C11orf16: variants seen among roughly 807,000 people sequenced by gnomAD.
The protein encoded by C11orf16 is uncharacterized protein C11orf16.
Under a neutral mutation model 45.1 loss-of-function variants are expected in C11orf16, and 38 were observed. That is an observed-to-expected ratio of 0.84 (90% CI 0.65 to 1.10). C11orf16 has a LOEUF of 1.10. Among genes scored for constraint, C11orf16 ranks in the 50% least tolerant of loss-of-function variants. The pLI, the probability that C11orf16 is intolerant of heterozygous loss-of-function variation, is 0.00. For synonymous variants in C11orf16, 221 were observed against 222.0 expected (o/e 1.00, Z 0.04); for missense variants, 583 against 569.5 (o/e 1.02, Z -0.24).
rs756038720 is a variant in C11orf16 at position 8,927,142 on chromosome 11, G to C, written c.357C>G (p.Phe119Leu). ...LERQGVLLVE[F>L]EAPLVAGPKL... ...TTGGGCCTGCGACAAGAGGAGCCTC[G>C]AATTCCACAAGCAGGACCCCCTGTC... The change falls in exon 4 of 7, where the codon TTC becomes TTG. Residue 119 changes from phenylalanine to leucine, a missense_variant. Physicochemically the swap from Phe to Leu is conservative, Grantham distance 22. Coordinates refer to ENST00000326053, the MANE Select transcript of C11orf16 (RefSeq NM_020643.3). 5 of 1,613,972 alleles carry C rather than the reference G, an allele frequency of 3.1e-6. No individual in the cohort carries two copies. The highest frequency in any genetic ancestry group is 4.2e-6 in the Non-Finnish European group (5 of 1,179,980).
chr11:8,926,842 A>C, intron 4 of C11orf16, 98 bp downstream of exon 4: 1 of 921,292 alleles, frequency 1.1e-6, no homozygotes, highest in Non-Finnish European at 1.6e-6. Flanking sequence ...AATGCCTTAG[A>C]AACCCCTAAG....
At position 8,929,440 on chromosome 11, in the gene C11orf16, C is replaced by G; in HGVS notation, c.261G>C (p.Trp87Cys). 1 of 1,614,178 alleles carries G rather than the reference C, an allele frequency of 6.2e-7. No individual in the cohort carries two copies. Among genetic ancestry groups the G allele is most frequent in the Non-Finnish European group, 8.5e-7 (1 of 1,180,026 alleles). Residue 87 changes from tryptophan to cysteine, a missense_variant, in exon 3 of 7, where the codon TGG becomes TGC. Trp to Cys is a radical substitution (Grantham distance 215, BLOSUM62 -2). Coordinates refer to ENST00000326053, the MANE Select transcript of C11orf16 (RefSeq NM_020643.3). ...CATCTGCTTCCCTTCTTGCTAGGAC[C>G]CATGTGTTGGCAGCATCTCCAGCTC... ...LGRAGDAANT[W>C]VLARREADGF...
At chr11:8,921,215 C>T in intron 6 of C11orf16, 79 bp downstream of exon 6, 1 of 1,105,408 alleles carries the variant, frequency 9.0e-7, no homozygotes, top group Non-Finnish European at 1.3e-6. Flanking sequence ...TTACTGTTCT[C>T]AAAGGGGATG....
At chr11:8,922,992 C>G (rs1255698079) in intron 5 of C11orf16, among the ~76,000 whole-genome samples, 1 of 152,230 alleles carries the variant, frequency 6.6e-6, no homozygotes, top group Non-Finnish European at 1.5e-5. Context: ...GCCCCAGGAA[C>G]TTTCCCTAGA....
chr11:8,925,349 C>T, intron 5 of C11orf16, 114 bp downstream of exon 5: 1 of 947,882 alleles, frequency 1.1e-6, no homozygotes, highest in East Asian at 2.4e-5. Flanking sequence ...CCAAGGATTA[C>T]TGCAGTCCCA....
At position 8,925,884 on chromosome 11, in the gene C11orf16, A is replaced by T. The variant is rs1223730208; in HGVS notation, c.783T>A (p.Ala261=). ...GRITNELPPD[A]PFLCPLCHHH... is the part of the protein sequence containing the mutation. Reference sequence around the variant, plus strand: ...GGTGGCAGAGAGGGCACAGGAATGGAGCATCCGGAGGAAGCTCATTAGTGA... The same window carrying T: ...GGTGGCAGAGAGGGCACAGGAATGGTGCATCCGGAGGAAGCTCATTAGTGA... The change falls in exon 5 of 7, where the codon GCT becomes GCA. Residue 261 remains alanine (A), a synonymous_variant. Coordinates refer to ENST00000326053, the MANE Select transcript of C11orf16 (RefSeq NM_020643.3). The T allele has an allele frequency of 3.7e-6, 6 of 1,614,218 alleles. No homozygotes were observed. Among genetic ancestry groups the T allele is most frequent in the Non-Finnish European group, 5.1e-6 (6 of 1,180,042 alleles).
intron 3 of C11orf16, chr11:8,927,786 A>C: frequency 3.0e-6 from 1 of 330,966 alleles, no homozygotes; most frequent in South Asian, 2.4e-5. Flanking sequence ...GTACTCTGTG[A>C]TTTAGAAGAG....
chr11:8,923,162 G>A (rs538090955), intron 5 of C11orf16, among the ~76,000 whole-genome samples: 9 of 152,272 alleles, frequency 5.9e-5, no homozygotes, highest in African/African-American at 2.2e-4. Flanking sequence ...GACTGTAGGT[G>A]TAAGTGGCTT....
intron 5 of C11orf16, among the ~76,000 whole-genome samples, chr11:8,924,700 CA>C (rs2064597697): frequency 1.3e-5 from 2 of 152,198 alleles, no homozygotes; most frequent in Admixed American, 1.3e-4. Flanking sequence ...CTTCACCTCA[CA>C]GCCTCCCTGC....
In C11orf16 at chr11:8,925,487, G is replaced by A. The variant is rs775413592; in HGVS notation, c.1180C>T (p.Pro394Ser). ...CCTGGCTTCCCAAGGCATGGCTCAG[G>A]CCCGTTTCTCTTCCAATACCTCCAC... is the stretch of plus-strand genomic sequence containing the variant. ...PEWRYWKRNG[P>S]EPCLGKPGTR... The change falls in exon 5 of 7, where the codon CCT becomes TCT. Residue 394 changes from proline to serine, a missense_variant. Pro to Ser is a moderately conservative substitution (Grantham distance 74). Transcript: ENST00000326053. 3.7e-6 allele frequency: 6 copies of A among 1,613,996 alleles called. No individual in the cohort carries two copies. The highest frequency in any genetic ancestry group is 5.1e-6 in the Non-Finnish European group (6 of 1,179,966).
In C11orf16 at chr11:8,924,629, A is replaced by AC. The variant is rs375170764; in HGVS notation, c.1204+833dup. On this transcript the variant is annotated intron_variant, in intron 5 of 6. Coordinates refer to ENST00000326053, the MANE Select transcript of C11orf16 (RefSeq NM_020643.3). Reference sequence around the variant, plus strand: ...AATAGGGCTATGGTTTCAACCAGGGACCCCCAGTGGGTCCCAGTGTGGGCA... The same window carrying AC: ...AATAGGGCTATGGTTTCAACCAGGGACCCCCCAGTGGGTCCCAGTGTGGGCA... Among the ~76,000 whole-genome samples, 19 of 152,116 alleles carry AC rather than the reference A, an allele frequency of 1.2e-4. No homozygotes were observed. The East Asian group carries it at 3.7e-3, about 29-fold the overall frequency.
chr11:8,931,241 T>C (rs1293241506), intron 2 of C11orf16, among the ~76,000 whole-genome samples: 1 of 152,082 alleles, frequency 6.6e-6, no homozygotes, highest in Admixed American at 6.5e-5. Context: ...GTTTTGTTTT[T>C]GAGACAGAGT....
chr11:8,929,659 T>C (rs1326803199), intron 2 of C11orf16, 126 bp from the exon 3 acceptor site: 4 of 936,792 alleles, frequency 4.3e-6, no homozygotes, highest in Non-Finnish European at 6.2e-6. Context: ...GAAATCCATA[T>C]GGAAAGTGGC....
chr11:8,927,931 C>T (rs114835390), intron 3 of C11orf16, among the ~76,000 whole-genome samples: 4,618 of 152,090 alleles, frequency 0.03, 240 homozygotes, highest in African/African-American at 0.11. Context: ...TTTTTCCAGA[C>T]GGAGTTTCGC....
Position 8,925,890 on chromosome 11 carries a change from C to T in C11orf16, c.777G>A (p.Pro259=), listed in dbSNP as rs779180873. 5.3e-5 allele frequency: 85 copies of T among 1,614,058 alleles called. No individual in the cohort carries two copies. The highest frequency in any genetic ancestry group is 2.5e-4 in the East Asian group (11 of 44,872). ...ITGRITNELP[P]DAPFLCPLCH... ...AGAGAGGGCACAGGAATGGAGCATCCGGAGGAAGCTCATTAGTGATGCGCC... is the reference window on the plus strand; with the variant it reads ...AGAGAGGGCACAGGAATGGAGCATCTGGAGGAAGCTCATTAGTGATGCGCC... Residue 259 remains proline (P), a synonymous_variant, in exon 5 of 7, where the codon CCG becomes CCA. Coordinates refer to ENST00000326053, the MANE Select transcript of C11orf16 (RefSeq NM_020643.3).
At position 8,926,394 on chromosome 11, in the gene C11orf16, G is replaced by A. The variant is rs149135120; in HGVS notation, c.560-287C>T. Reference sequence around the variant, plus strand: ...TCAGCCTGGCCCCGCTGCTCTGGCTGCGTGGCTCCTCACATGCACCTCTCC... The same window carrying A: ...TCAGCCTGGCCCCGCTGCTCTGGCTACGTGGCTCCTCACATGCACCTCTCC... On this transcript the variant is annotated intron_variant, in intron 4 of 6. Coordinates refer to ENST00000326053, the MANE Select transcript of C11orf16 (RefSeq NM_020643.3). Among the ~76,000 whole-genome samples, 355 of 152,034 alleles carry A rather than the reference G, an allele frequency of 2.3e-3. 7 individuals are homozygous for A. Among genetic ancestry groups the A allele is most frequent in the African/African-American group, 8.4e-3 (347 of 41,488 alleles).
rs531990592 is a variant in C11orf16, at chr11:8,925,544, G to C, written c.1123C>G (p.Pro375Ala). Residue 375 changes from proline to alanine, a missense_variant, in exon 5 of 7, where the codon CCT becomes GCT. Pro to Ala is a conservative substitution (Grantham distance 27). Transcript: ENST00000326053. ...VNTDPIFLEM[P>A]LRQSGLCQPE... ...TGGCAGAGGCCACTCTGTCTCAGAG[G>C]CATCTCAAGAAAGATGGGATCTGTG... is the stretch of plus-strand genomic sequence containing the variant. 1.9e-5 allele frequency: 30 copies of C among 1,614,228 alleles called. No homozygotes were observed. The East Asian group carries it at 5.8e-4, about 31-fold the overall frequency.
At chr11:8,921,618 G>T in intron 5 of C11orf16, 103 bp from the exon 6 acceptor site, 1 of 1,075,500 alleles carries the variant, frequency 9.3e-7, no homozygotes, top group African/African-American at 1.6e-5. Flanking sequence ...CTCAAGCATT[G>T]TTTTCTTTTC....
intron 6 of C11orf16, among the ~76,000 whole-genome samples, chr11:8,920,799 G>T (rs1171930761): frequency 6.6e-6 from 1 of 152,180 alleles, no homozygotes; most frequent in Non-Finnish European, 1.5e-5. Flanking sequence ...CTGCATTCCA[G>T]CCTGAGTGAC....
Sources: gnomAD v4.1 joint callset for allele counts (sites outside exome capture counted in the v4.1 genomes callset) on GRCh38, gnomAD v4.1.1 for gene constraint, MANE v1.5 for transcripts, NCBI Gene and HGNC (gene_info 2026-07-23, HGNC 2026-07-21) for gene names.